The following ALS2 variants were observed in gnomAD, a reference collection of about 807,000 sequenced individuals.
The protein encoded by ALS2 is alsin Rho guanine nucleotide exchange factor ALS2.
In ALS2, 117 loss-of-function variants were observed where a neutral mutation model predicts 203.4. That is an observed-to-expected ratio of 0.58 (90% CI 0.50 to 0.67). ALS2 has a LOEUF of 0.67. Among genes scored for constraint, ALS2 ranks in the 30% least tolerant of loss-of-function variants. ALS2 has a pLI of 0.00. For synonymous variants in ALS2, 718 were observed against 725.9 expected, an observed-to-expected ratio of 0.99 and a Z score of 0.17; for missense variants, 1,715 against 1,989.4, an observed-to-expected ratio of 0.86 and a Z score of 2.62.
chr2:201,744,152 A>G, intron 10 of ALS2, 106 bp downstream of exon 10: 1 of 1,263,748 alleles, frequency 7.9e-7, no homozygotes, highest in South Asian at 1.2e-5. Flanking sequence ...GACAGTGCAT[A>G]GCAAGAAGTA....
rs1387550354 is a variant in ALS2, at chr2:201,780,907, C to T, written c.-91G>A. 2 of 152,716 alleles carry T rather than the reference C, an allele frequency of 1.3e-5. No individual in the cohort carries two copies. The highest frequency in any genetic ancestry group is 2.9e-5 in the Non-Finnish European group (2 of 68,134). 9.5% of individuals were successfully genotyped at this position (152,716 alleles called of 1,614,324 possible). A position where few individuals can be genotyped will look rare whatever the true frequency, so the allele number is the denominator to read the frequency against. On this transcript the variant is annotated 5_prime_UTR_variant, in exon 1 of 34. An upstream start codon of the reference 5' UTR is lost. Transcript: ENST00000264276. ...GCTCCACCGGCAGCACCGCGCTCCG[C>T]ATCCGGCGCGAGCTTGGCAACCCAG... is the stretch of plus-strand genomic sequence containing the variant.
Position 201,728,620 on chromosome 2 carries a change from C to T in ALS2, c.2733G>A (p.Glu911=), listed in dbSNP as rs563840274. The stretch of plus-strand genomic sequence containing the variant: ...TACTACTCTCACACAGCAGTCGACG[C>T]TCTGGCTTCCTCAAGGAATCCTGGA... ...GKMTDSLRKP[E]RRLLCESSNR... Residue 911 remains glutamate, a synonymous_variant, in exon 15 of 34, where the codon GAG becomes GAA. Coordinates refer to ENST00000264276, the MANE Select transcript of ALS2 (RefSeq NM_020919.4). 87 of 1,614,096 alleles carry T rather than the reference C, an allele frequency of 5.4e-5. 1 individual carries two copies. The South Asian group carries it at 8.3e-4, about 15-fold the overall frequency.
At chr2:201,753,319 G>T in intron 6 of ALS2, 77 bp from the exon 7 acceptor site, 1 of 1,175,678 alleles carries the variant, frequency 8.5e-7, no homozygotes, top group Non-Finnish European at 1.3e-6. Flanking sequence ...ATTATAAAGT[G>T]CTGTCGTGTA....
intron 13 of ALS2, among the ~76,000 whole-genome samples, chr2:201,731,788 G>A (rs1323047394): frequency 6.6e-6 from 1 of 152,072 alleles, no homozygotes; most frequent in Non-Finnish European, 1.5e-5. Flanking sequence ...CATGAGAAGT[G>A]AATAATAGAG....
Position 201,756,111 on chromosome 2 carries a change from T to C in ALS2, c.1471+1291A>G, listed in dbSNP as rs12053565. Among the ~76,000 whole-genome samples, 3,007 of 152,216 alleles carry C rather than the reference T, an allele frequency of 0.02. 183 individuals carry two copies. In the East Asian group the frequency reaches 0.24, roughly 12 times the overall value. ...TAGGTTACTAAGTAAAATTTAACCATAGGATATAAGTCTATTAGTGGGATT... is the reference window on the plus strand; with the variant it reads ...TAGGTTACTAAGTAAAATTTAACCACAGGATATAAGTCTATTAGTGGGATT... On this transcript the variant is annotated intron_variant, in intron 5 of 33. Transcript: ENST00000264276.
At chr2:201,740,933 C>G (rs1228851877) in intron 11 of ALS2, among the ~76,000 whole-genome samples, 1 of 152,130 alleles carries the variant, frequency 6.6e-6, no homozygotes, top group Non-Finnish European at 1.5e-5. Flanking sequence ...GGGCTTGGAG[C>G]TCCCCGCAAA....
intron 7 of ALS2, among the ~76,000 whole-genome samples, chr2:201,752,659 A>G (rs773948647): frequency 2.6e-5 from 4 of 152,178 alleles, no homozygotes; most frequent in Non-Finnish European, 5.9e-5. Flanking sequence ...ATTGCAGATG[A>G]GCAGTCTGGG....
chr2:201,751,080 T>G (rs547907860), intron 7 of ALS2, among the ~76,000 whole-genome samples: 4 of 152,246 alleles, frequency 2.6e-5, no homozygotes. Context: ...CTTGAACTCC[T>G]GACCTCAGGT....
At position 201,761,221 on chromosome 2, in the gene ALS2, G is replaced by A. The variant is rs969280859; in HGVS notation, c.773C>T (p.Pro258Leu). The change falls in exon 4 of 34, where the codon CCA becomes CTA. Residue 258 changes from proline to leucine, a missense_variant. Pro to Leu is a moderately conservative substitution (Grantham distance 98, BLOSUM62 -3). This residue lies in a region of ALS2 where 476 missense variants were observed against 539.3 expected (regional missense o/e 0.88). Transcript: ENST00000264276. ...AGATTCTGTCAGTGTCACACCTAAT[G>A]GGCAACAATGACTGTCTGATATAAT... is the stretch of plus-strand genomic sequence containing the variant. ...HVIISDSHCC[P>L]LGVTLTESQA... is the part of the protein sequence containing the mutation. The A allele has an allele frequency of 3.7e-6, 6 of 1,614,128 alleles. No individual in the cohort carries two copies. Among genetic ancestry groups the A allele is most frequent in the Admixed American group, 1.7e-5 (1 of 60,014 alleles).
intron 1 of ALS2, among the ~76,000 whole-genome samples, chr2:201,773,734 A>G (rs1460829420): frequency 6.6e-6 from 1 of 152,146 alleles, no homozygotes; most frequent in Non-Finnish European, 1.5e-5. Flanking sequence ...GGGTATATGG[A>G]AAGAGAAAGG....
intron 12 of ALS2, among the ~76,000 whole-genome samples, chr2:201,734,358 C>T (rs1691749773): frequency 6.6e-6 from 1 of 151,876 alleles, no homozygotes; most frequent in Non-Finnish European, 1.5e-5. Context: ...ACCTGTAGTC[C>T]CAGCTGCTCA....
intron 8 of ALS2, among the ~76,000 whole-genome samples, chr2:201,748,917 T>C (rs1692847760): frequency 6.6e-6 from 1 of 152,220 alleles, no homozygotes; most frequent in Non-Finnish European, 1.5e-5. Context: ...ATTGACGTAA[T>C]TGCCCTTCTT....
At chr2:201,733,796 C>A (rs1355591158) in intron 12 of ALS2, among the ~76,000 whole-genome samples, 3 of 152,182 alleles carry the variant, frequency 2.0e-5, no homozygotes, top group Non-Finnish European at 4.4e-5. Flanking sequence ...AATGGCAAGA[C>A]TAATTGTTCT....
intron 20 of ALS2, among the ~76,000 whole-genome samples, chr2:201,724,719 G>C (rs1691040486): frequency 6.6e-6 from 1 of 152,130 alleles, no homozygotes; most frequent in African/African-American, 2.4e-5. Context: ...GAAATAATGA[G>C]TTATTTTTAA....
rs751579224 is a variant in ALS2, at chr2:201,715,719, G to A, written c.3957C>T (p.Asp1319=). ...PGQGEVWKAW[D]NIAVALTTSR... is the part of the protein sequence containing the mutation. Reference sequence around the variant, plus strand: ...TGGTGGTCAAGGCCACAGCAATATTGTCCCATGCTTTCCAAACTTCCCCTT... The same window carrying A: ...TGGTGGTCAAGGCCACAGCAATATTATCCCATGCTTTCCAAACTTCCCCTT... The change falls in exon 25 of 34, where the codon GAC becomes GAT. Residue 1319 remains aspartate, a synonymous_variant. Coordinates refer to ENST00000264276, the MANE Select transcript of ALS2 (RefSeq NM_020919.4). 2 of 1,614,078 alleles carry A rather than the reference G, an allele frequency of 1.2e-6. No individual in the cohort carries two copies. Among genetic ancestry groups the A allele is most frequent in the African/African-American group, 2.7e-5 (2 of 74,920 alleles).
intron 28 of ALS2, among the ~76,000 whole-genome samples, chr2:201,707,538 T>C (rs918832196): frequency 6.6e-6 from 1 of 151,972 alleles, no homozygotes; most frequent in South Asian, 2.1e-4. Context: ...CAAGTGATCC[T>C]CTCATCTCAG....
chr2:201,763,142 G>A (rs534666256), intron 3 of ALS2: 109 of 217,234 alleles, frequency 5.0e-4, no homozygotes, highest in Non-Finnish European at 8.4e-4. Context: ...GGTGGCCACT[G>A]CCATCCAAGG....
At position 201,757,735 on chromosome 2, in the gene ALS2, T is replaced by C; in HGVS notation, c.1138A>G (p.Asn380Asp). 1.2e-6 allele frequency: 2 copies of C among 1,611,626 alleles called. No homozygotes were observed. Among genetic ancestry groups the C allele is most frequent in the Non-Finnish European group, 8.5e-7 (1 of 1,179,974 alleles). ...SQPLLEEAIP[N>D]LHSPPTTSTS... ...CTTGTGGTAGGCGGGCTGTGGAGAT[T>C]AGGAATTGCTTCTTCTAAAAGAGGC... Residue 380 changes from asparagine to aspartate, a missense_variant, in exon 5 of 34, where the codon AAT becomes GAT. Transcript: ENST00000264276.
At chr2:201,713,710 T>C (rs1291963201) in intron 25 of ALS2, among the ~76,000 whole-genome samples, 1 of 151,974 alleles carries the variant, frequency 6.6e-6, no homozygotes, top group African/African-American at 2.4e-5. Flanking sequence ...GTTCTAATAT[T>C]TATTTCAAGG....
Sources: allele counts gnomAD v4.1 joint callset (sites outside exome capture counted in the v4.1 genomes callset), GRCh38; gene constraint gnomAD v4.1.1; regional missense constraint gnomAD v4.1.1; transcripts MANE v1.5; gene names NCBI Gene and HGNC (gene_info 2026-07-23, HGNC 2026-07-21).